The following MYO3A variants were observed in gnomAD, a reference collection of about 807,000 sequenced individuals.
MYO3A encodes the protein myosin IIIA.
MYO3A carries 180 observed loss-of-function variants against 192.7 expected under a neutral mutation model. The observed-to-expected ratio is 0.93, with a 90% CI of 0.83 to 1.06. The LOEUF (loss-of-function observed/expected upper bound fraction) is 1.06. Among genes scored for constraint, MYO3A ranks in the 50% least tolerant of loss-of-function variants. MYO3A has a pLI of 0.00. For synonymous variants in MYO3A, 628 were observed against 645.3 expected, an observed-to-expected ratio of 0.97 and a Z score of 0.41; for missense variants, 1,896 against 1,905.0, an observed-to-expected ratio of 1.00 and a Z score of 0.09.
chr10:26,018,919 A>G (rs1030102958), intron 7 of MYO3A, among the ~76,000 whole-genome samples: 2 of 152,240 alleles, frequency 1.3e-5, no homozygotes, highest in African/African-American at 4.8e-5. Flanking sequence ...ACTCTAGCAA[A>G]CAAAGTTATA....
chr10:25,996,669 A>G (rs1320342047), intron 5 of MYO3A, 75 bp downstream of exon 5: 1 of 1,176,770 alleles, frequency 8.5e-7, no homozygotes, highest in Non-Finnish European at 1.3e-6. Context: ...TATTTTTAGA[A>G]AAATGTCACT....
intron 15 of MYO3A, among the ~76,000 whole-genome samples, chr10:26,093,999 C>G (rs1047508869): frequency 3.9e-5 from 6 of 152,166 alleles, no homozygotes; most frequent in African/African-American, 1.4e-4. Flanking sequence ...AGCATTGTTA[C>G]TTTTCTCTTT....
intron 10 of MYO3A, among the ~76,000 whole-genome samples, chr10:26,039,077 G>C (rs1843187373): frequency 6.6e-6 from 1 of 151,918 alleles, no homozygotes; most frequent in Admixed American, 6.6e-5. Context: ...TTTCGCTCTT[G>C]TTGCCCAGGC....
rs537494203 is a variant in MYO3A, at chr10:25,991,541, G to T, written c.304-4949G>T. 2.3e-3 allele frequency among the ~76,000 whole-genome samples: 354 copies of T among 151,956 alleles called. 4 individuals carry two copies. The highest frequency in any genetic ancestry group is 4.1e-3 in the Non-Finnish European group (279 of 67,842). ...AATTAGATCCCATTTGTCAATTTTG[G>T]CTTTTGTTGCCATTGCTTTTGGTGT... On this transcript the variant is annotated intron_variant, in intron 4 of 34. Coordinates refer to ENST00000642920, the MANE Select transcript of MYO3A (RefSeq NM_017433.5).
chr10:26,080,488 G>A (rs951412677), intron 14 of MYO3A, among the ~76,000 whole-genome samples: 2 of 147,210 alleles, frequency 1.4e-5, no homozygotes, highest in African/African-American at 5.0e-5. Context: ...TTCCCTCCCT[G>A]ATTAGCTTAA....
intron 4 of MYO3A, among the ~76,000 whole-genome samples, chr10:25,961,862 T>C (rs1437168736): frequency 6.6e-6 from 1 of 152,164 alleles, no homozygotes; most frequent in African/African-American, 2.4e-5. Flanking sequence ...ATACCTTTCA[T>C]TGTAATAAAG....
chr10:26,001,616 G>A (rs1840823827), intron 6 of MYO3A, among the ~76,000 whole-genome samples: 1 of 152,182 alleles, frequency 6.6e-6, no homozygotes, highest in African/African-American at 2.4e-5. Flanking sequence ...GCAGACAAAA[G>A]CATATGGCCC....
At chr10:26,099,943 A>G (rs768854945) in intron 17 of MYO3A, among the ~76,000 whole-genome samples, 2 of 152,114 alleles carry the variant, frequency 1.3e-5, no homozygotes, top group Non-Finnish European at 2.9e-5. Flanking sequence ...CTTAGGGAGG[A>G]TTCCCTCTTT....
chr10:26,044,017 T>C (rs1843504085), intron 10 of MYO3A, among the ~76,000 whole-genome samples: 1 of 152,198 alleles, frequency 6.6e-6, no homozygotes, highest in African/African-American at 2.4e-5. Context: ...AAGAGCTCTT[T>C]AGTCAGCAGG....
chr10:26,029,417 G>T (rs1432838560), intron 10 of MYO3A, among the ~76,000 whole-genome samples: 2 of 152,030 alleles, frequency 1.3e-5, no homozygotes, highest in East Asian at 3.8e-4. Context: ...CACATGTCTT[G>T]CAATTTCTCT....
intron 10 of MYO3A, among the ~76,000 whole-genome samples, chr10:26,063,837 A>G (rs1233788851): frequency 1.3e-5 from 2 of 152,246 alleles, no homozygotes; most frequent in African/African-American, 2.4e-5. Flanking sequence ...GCTAAAGTGT[A>G]AAAGCGTATT....
chr10:25,997,415 A>C (rs888855159), intron 6 of MYO3A, among the ~76,000 whole-genome samples, 157 bp downstream of exon 6: 12 of 152,210 alleles, frequency 7.9e-5, no homozygotes, highest in Non-Finnish European at 1.6e-4. Context: ...AATTTGGCAA[A>C]TGAGAGATTC....
At chr10:26,208,752 C>A (rs551103250) in intron 34 of MYO3A, among the ~76,000 whole-genome samples, 2 of 152,214 alleles carry the variant, frequency 1.3e-5, no homozygotes, top group Admixed American at 6.5e-5. Context: ...TTTTTCTTTT[C>A]CTTTTAATTC....
At chr10:26,112,962 A>G (rs1037189850) in intron 17 of MYO3A, among the ~76,000 whole-genome samples, 1 of 152,080 alleles carries the variant, frequency 6.6e-6, no homozygotes, top group Admixed American at 6.5e-5. Flanking sequence ...TTTTGCACAA[A>G]TTTATGTCTT....
intron 4 of MYO3A, among the ~76,000 whole-genome samples, chr10:25,984,406 A>G (rs1172845229): frequency 6.6e-6 from 1 of 152,174 alleles, no homozygotes; most frequent in East Asian, 1.9e-4. Context: ...ACTTAAGGTA[A>G]AGGGGCCAGG....
intron 26 of MYO3A, among the ~76,000 whole-genome samples, chr10:26,162,185 T>C (rs1196469546): frequency 6.6e-6 from 1 of 152,172 alleles, no homozygotes; most frequent in Non-Finnish European, 1.5e-5. Flanking sequence ...TGCTCAAGTA[T>C]TTTTCAAATT....
intron 4 of MYO3A, among the ~76,000 whole-genome samples, chr10:25,982,281 G>A (rs980550572): frequency 2.6e-5 from 4 of 152,008 alleles, no homozygotes; most frequent in African/African-American, 9.7e-5. Flanking sequence ...ACCTATCCCT[G>A]CCGCCACCTG....
At chr10:26,002,221 C>A (rs1395736664) in intron 6 of MYO3A, among the ~76,000 whole-genome samples, 1 of 152,180 alleles carries the variant, frequency 6.6e-6, no homozygotes, top group Non-Finnish European at 1.5e-5. Flanking sequence ...ATGATACTTT[C>A]CCTGCATAGA....
In MYO3A at chr10:26,188,297, G is replaced by A. The variant is rs1229460087; in HGVS notation, c.4439-4908G>A. On this transcript the variant is annotated intron_variant, in intron 31 of 34. Transcript: ENST00000642920. ...TGGCTGCATAAATGTCTTCTTTTGA[G>A]AAGTGTCTGTTCATATCCTTCGCCC... is the stretch of plus-strand genomic sequence containing the variant. Among the ~76,000 whole-genome samples the A allele has an allele frequency of 4.6e-5, 7 of 152,166 alleles. No homozygotes were observed. In the East Asian group the frequency reaches 1.2e-3, roughly 25 times the overall value.
Sources: gnomAD v4.1 joint callset for allele counts (sites outside exome capture counted in the v4.1 genomes callset) on GRCh38, gnomAD v4.1.1 for gene constraint, MANE v1.5 for transcripts, NCBI Gene and HGNC (gene_info 2026-07-23, HGNC 2026-07-21) for gene names.